KCNQ3: variants seen among roughly 807,000 people sequenced by gnomAD.
KCNQ3 encodes potassium voltage-gated channel subfamily Q member 3.
In KCNQ3, 30 loss-of-function variants were observed where a neutral mutation model predicts 92.5. The observed-to-expected ratio is 0.32, with a 90% CI of 0.24 to 0.44. The LOEUF (loss-of-function observed/expected upper bound fraction) is 0.44. Ranked by LOEUF, KCNQ3 falls within the 20% of genes least tolerant of loss-of-function variation. KCNQ3 has a pLI of 1.00. For missense variants in KCNQ3, 913 were observed against 1,140.3 expected, an observed-to-expected ratio of 0.80 and a Z score of 2.87; for synonymous variants, 450 against 468.8, an observed-to-expected ratio of 0.96 and a Z score of 0.52.
intron 1 of KCNQ3, among the ~76,000 whole-genome samples, chr8:132,335,948 G>C (rs573924272): frequency 6.0e-4 from 92 of 152,256 alleles, no homozygotes; most frequent in African/African-American, 2.1e-3. Context: ...CCTTGTGCTG[G>C]AGCCTTTTCT....
At chr8:132,309,344 A>G (rs1817524270) in intron 1 of KCNQ3, among the ~76,000 whole-genome samples, 1 of 152,202 alleles carries the variant, frequency 6.6e-6, no homozygotes, top group Non-Finnish European at 1.5e-5. Flanking sequence ...TCATTAATTC[A>G]TTATTCCACA....
chr8:132,320,802 G>T (rs1221634974), intron 1 of KCNQ3, among the ~76,000 whole-genome samples: 2 of 152,160 alleles, frequency 1.3e-5, no homozygotes, highest in Non-Finnish European at 2.9e-5. Flanking sequence ...GAAAACAAAT[G>T]AATGCTGGTG....
At chr8:132,277,836 G>A (rs1816386476) in intron 1 of KCNQ3, 2 of 560,766 alleles carry the variant, frequency 3.6e-6, no homozygotes. Flanking sequence ...ACTGAATCTT[G>A]CTCTCTAGAA....
chr8:132,331,573 CCTCTT>C (rs1818231317), intron 1 of KCNQ3, among the ~76,000 whole-genome samples: 1 of 152,206 alleles, frequency 6.6e-6, no homozygotes, highest in Admixed American at 6.5e-5. Flanking sequence ...TGTCCCCTCC[CCTCTT>C]CTCTTCTGAT....
chr8:132,433,993 G>A (rs1250403471), intron 1 of KCNQ3, among the ~76,000 whole-genome samples: 6 of 152,224 alleles, frequency 3.9e-5, no homozygotes, highest in African/African-American at 1.4e-4. Context: ...CGGATCACGA[G>A]GTCAGGAGAT....
intron 1 of KCNQ3, among the ~76,000 whole-genome samples, chr8:132,304,263 T>C (rs1817348358): frequency 6.6e-6 from 1 of 152,210 alleles, no homozygotes; most frequent in South Asian, 2.1e-4. Context: ...AATACATCCA[T>C]GTAATGAAAC....
At chr8:132,420,207 C>A (rs1035560147) in intron 1 of KCNQ3, among the ~76,000 whole-genome samples, 1 of 152,088 alleles carries the variant, frequency 6.6e-6, no homozygotes, top group African/African-American at 2.4e-5. Flanking sequence ...TGAAGATTCT[C>A]CCCCATGACC....
intron 1 of KCNQ3, among the ~76,000 whole-genome samples, chr8:132,251,033 C>A (rs1815391115): frequency 6.6e-6 from 1 of 152,120 alleles, no homozygotes; most frequent in Non-Finnish European, 1.5e-5. Context: ...TCGAGGTGGG[C>A]AGGCAGATGG....
At chr8:132,296,751 G>C (rs1414404243) in intron 1 of KCNQ3, among the ~76,000 whole-genome samples, 1 of 152,064 alleles carries the variant, frequency 6.6e-6, no homozygotes, top group Non-Finnish European at 1.5e-5. Flanking sequence ...AGTATTCCAT[G>C]GTGTATATGT....
chr8:132,273,189 C>A (rs1270721455), intron 1 of KCNQ3, among the ~76,000 whole-genome samples: 2 of 152,226 alleles, frequency 1.3e-5, no homozygotes, highest in Non-Finnish European at 2.9e-5. Context: ...GGTTACCCAA[C>A]CCTGCAGCAA....
intron 4 of KCNQ3, 99 bp from the exon 5 acceptor site, chr8:132,175,707 CT>C: frequency 2.6e-6 from 3 of 1,143,446 alleles, no homozygotes; most frequent in Admixed American, 3.9e-5. Context: ...AGTTTACCAG[CT>C]CTGTGACTGT....
chr8:132,209,463 G>A (rs564250962), intron 1 of KCNQ3, among the ~76,000 whole-genome samples: 3 of 151,850 alleles, frequency 2.0e-5, no homozygotes, highest in South Asian at 4.2e-4. Context: ...CCTGCTCTGG[G>A]TTATCAGGTT....
At chr8:132,438,659 G>T (rs1202863656) in intron 1 of KCNQ3, among the ~76,000 whole-genome samples, 4 of 152,008 alleles carry the variant, frequency 2.6e-5, no homozygotes, top group African/African-American at 7.2e-5. Flanking sequence ...TGGGTGGTCT[G>T]GTCATTCTCT....
At chr8:132,155,145 C>T (rs1273571800) in intron 9 of KCNQ3, among the ~76,000 whole-genome samples, 1 of 152,166 alleles carries the variant, frequency 6.6e-6, no homozygotes, top group East Asian at 1.9e-4. Flanking sequence ...ACCCCCGACA[C>T]TACATTGTTC....
intron 1 of KCNQ3, among the ~76,000 whole-genome samples, chr8:132,362,319 T>C (rs1221586325): frequency 6.6e-6 from 1 of 152,216 alleles, no homozygotes; most frequent in Non-Finnish European, 1.5e-5. Flanking sequence ...TCTAAGAACG[T>C]CACATTTTTA....
chr8:132,416,819 A>G (rs930146849), intron 1 of KCNQ3, among the ~76,000 whole-genome samples: 1 of 152,162 alleles, frequency 6.6e-6, no homozygotes, highest in Non-Finnish European at 1.5e-5. Context: ...TGCAGGGTAC[A>G]GACAGGAAGG....
At chr8:132,231,834 C>T (rs1372206754) in intron 1 of KCNQ3, among the ~76,000 whole-genome samples, 3 of 152,198 alleles carry the variant, frequency 2.0e-5, no homozygotes, top group African/African-American at 4.8e-5. Flanking sequence ...TAGGTCTTTC[C>T]TCGAATCCTT....
chr8:132,214,175 A>G (rs1459237138), intron 1 of KCNQ3, among the ~76,000 whole-genome samples: 2 of 152,194 alleles, frequency 1.3e-5, no homozygotes, highest in African/African-American at 4.8e-5. Flanking sequence ...TACCTCTCTG[A>G]GCTACAGTTC....
chr8:132,454,099 G>T (rs141899778), intron 1 of KCNQ3, among the ~76,000 whole-genome samples: 44 of 152,344 alleles, frequency 2.9e-4, no homozygotes, highest in Non-Finnish European at 4.3e-4. Context: ...AGAGAACCAT[G>T]ATCTGGTTAG....
Sources: gnomAD v4.1 joint callset for allele counts (sites outside exome capture counted in the v4.1 genomes callset) on GRCh38, gnomAD v4.1.1 for gene constraint, MANE v1.5 for transcripts, NCBI Gene and HGNC (gene_info 2026-07-23, HGNC 2026-07-21) for gene names.